Variants in DNTTIP2 observed in about 807,000 individuals in gnomAD.
DNTTIP2 encodes the protein deoxynucleotidyltransferase terminal-interacting protein 2.
In DNTTIP2, 47 loss-of-function variants were observed where a neutral mutation model predicts 62.4. The observed-to-expected ratio is 0.75, with a 90% CI of 0.60 to 0.96. The LOEUF is 0.96. Among genes scored for constraint, DNTTIP2 ranks in the 40% least tolerant of loss-of-function variants. DNTTIP2 has a pLI of 0.00. For missense variants in DNTTIP2, 870 were observed against 849.1 expected, an observed-to-expected ratio of 1.02 and a Z score of -0.31; for synonymous variants, 322 against 300.9, an observed-to-expected ratio of 1.07 and a Z score of -0.73.
chr1:93,878,969 T>A, intron 1 of DNTTIP2, 108 bp downstream of exon 1: 1 of 1,412,598 alleles, frequency 7.1e-7, no homozygotes, highest in Non-Finnish European at 9.5e-7. Context: ...CAAGCTCGGG[T>A]CCTCTCTGTC....
intron 5 of DNTTIP2, 117 bp downstream of exon 5, chr1:93,871,955 A>G: frequency 8.8e-7 from 1 of 1,137,120 alleles, no homozygotes. Context: ...TATGTTCCAT[A>G]CATTAGGCAT....
intron 4 of DNTTIP2, 81 bp from the exon 5 acceptor site, chr1:93,872,317 C>A: frequency 7.2e-7 from 1 of 1,385,560 alleles, no homozygotes; most frequent in South Asian, 1.4e-5. Context: ...GTAACACATA[C>A]AGAAAATTTT....
chr1:93,877,903 G>A (rs1656056316), intron 1 of DNTTIP2, 41 bp from the exon 2 acceptor site: 2 of 1,567,134 alleles, frequency 1.3e-6, no homozygotes, highest in African/African-American at 2.7e-5. Context: ...AGGTAGGGCT[G>A]GAACAAGGGC....
rs1195587699 is a variant in DNTTIP2, at chr1:93,875,749, G to C, written c.1702C>G (p.Leu568Val). ...AAACCACCCAACTGCTTGATACTCAGACCAGGGTCTATGCTGCTGCTTGTC... is the reference window on the plus strand; with the variant it reads ...AAACCACCCAACTGCTTGATACTCACACCAGGGTCTATGCTGCTGCTTGTC... ...KLTSSSIDPG[L>V]SIKQLGGLYI... The change falls in exon 3 of 7, where the codon CTG becomes GTG. Residue 568 changes from leucine to valine, a missense_variant. Leu to Val is a conservative substitution (Grantham distance 32). Coordinates refer to ENST00000436063, the MANE Select transcript of DNTTIP2 (RefSeq NM_014597.5). 6.2e-7 allele frequency: 1 copy of C among 1,612,880 alleles called. No homozygotes were observed. The highest frequency in any genetic ancestry group is 8.5e-7 in the Non-Finnish European group (1 of 1,179,670).
intron 4 of DNTTIP2, among the ~76,000 whole-genome samples, chr1:93,872,509 G>A (rs1007244769): frequency 3.9e-5 from 6 of 152,128 alleles, no homozygotes; most frequent in Non-Finnish European, 7.4e-5. Flanking sequence ...GACTTGCTGG[G>A]AGAATAACAC....
In DNTTIP2 at chr1:93,873,223, A is replaced by G; in HGVS notation, c.1807-9T>C. The G allele has an allele frequency of 6.3e-7, 1 of 1,592,848 alleles. No individual in the cohort carries two copies. Among genetic ancestry groups the G allele is most frequent in the Non-Finnish European group, 8.6e-7 (1 of 1,163,258 alleles). ...ACGGCTTTCTGCAGAAGCTATAAAA[A>G]CATAAAATTGGTTTTAAAATAATGT... On this transcript the variant is annotated splice_polypyrimidine_tract_variant and intron_variant, in intron 3 of 6. Transcript: ENST00000436063.
At chr1:93,873,833 T>C (rs1054451901) in intron 3 of DNTTIP2, among the ~76,000 whole-genome samples, 7 of 152,206 alleles carry the variant, frequency 4.6e-5, no homozygotes, top group African/African-American at 7.2e-5. Context: ...TTCTGTACTT[T>C]TGTTACTTGA....
chr1:93,876,424 TAAA>T lies in DNTTIP2; in HGVS notation c.1508_1510del (p.Phe503del). 1 of 1,612,906 alleles carries T rather than the reference TAAA, an allele frequency of 6.2e-7. No homozygotes were observed. Among genetic ancestry groups the T allele is most frequent in the East Asian group, 2.2e-5 (1 of 44,846 alleles). On this transcript the variant is annotated inframe_deletion, in exon 2 of 7. Coordinates refer to ENST00000436063, the MANE Select transcript of DNTTIP2 (RefSeq NM_014597.5). Reference sequence around the variant, plus strand: ...ACTTGCCTTGTCTTCCTCTTCCAAGTAAAAATTTTTATCAGCACTCATTCCAGG... The same window carrying T: ...ACTTGCCTTGTCTTCCTCTTCCAAGTAATTTTTATCAGCACTCATTCCAGG...
chr1:93,876,428 A>T lies in DNTTIP2; in HGVS notation c.1507T>A (p.Phe503Ile). 1 of 1,613,086 alleles carries T rather than the reference A, an allele frequency of 6.2e-7. No homozygotes were observed. The highest frequency in any genetic ancestry group is 8.5e-7 in the Non-Finnish European group (1 of 1,179,488). The change falls in exon 2 of 7, where the codon TTT becomes ATT. Residue 503 changes from phenylalanine to isoleucine, a missense_variant. By Grantham distance (21) the Phe-to-Ile change is conservative (BLOSUM62 0). Coordinates refer to ENST00000436063, the MANE Select transcript of DNTTIP2 (RefSeq NM_014597.5). ...TTPGMSADKN[F>I]YLEEEDKASE... ...GCCTTGTCTTCCTCTTCCAAGTAAA[A>T]ATTTTTATCAGCACTCATTCCAGGA... is the stretch of plus-strand genomic sequence containing the variant.
rs370751620 is a variant in DNTTIP2, at chr1:93,876,780, T to C, written c.1155A>G (p.Ala385=). Residue 385 remains alanine (A), a synonymous_variant, in exon 2 of 7, where the codon GCA becomes GCG. Coordinates refer to ENST00000436063, the MANE Select transcript of DNTTIP2 (RefSeq NM_014597.5). ...AATCACCAAACTTTGTCAAGTCACT[T>C]GCTTTTATGGGGCTCTTTTTGTTGT... is the stretch of plus-strand genomic sequence containing the variant. ...WNNNKKSPIK[A]SDLTKFGDCG... The C allele has an allele frequency of 1.2e-5, 20 of 1,613,872 alleles. No homozygotes were observed. Among genetic ancestry groups the C allele is most frequent in the Non-Finnish European group, 1.5e-5 (18 of 1,179,884 alleles).
chr1:93,877,957 C>T, intron 1 of DNTTIP2, 95 bp from the exon 2 acceptor site: 1 of 1,435,938 alleles, frequency 7.0e-7, no homozygotes. Context: ...ACCCAGTAAA[C>T]AAGATTACCT....
chr1:93,877,896 T>G, intron 1 of DNTTIP2, 34 bp from the exon 2 acceptor site: 1 of 1,580,674 alleles, frequency 6.3e-7, no homozygotes, highest in Admixed American at 1.8e-5. Context: ...GTAATTTAGG[T>G]AGGGCTGGAA....
chr1:93,866,374 AATAAAG>A lies in DNTTIP2; in HGVS notation c.*3471_*3476del, dbSNP rs759819479. ...GTTGCAACCCTTACTGAAAACTTTC[AATAAAG>A]ATATTCATCTAATTAAATAGTAAGT... On this transcript the variant is annotated 3_prime_UTR_variant, in exon 7 of 7. Transcript: ENST00000436063. 2.0e-5 allele frequency: 3 copies of A among 152,358 alleles called. No homozygotes were observed. The highest frequency in any genetic ancestry group is 2.9e-5 in the Non-Finnish European group (2 of 68,032). 9.4% of individuals were successfully genotyped at this position (152,358 alleles called of 1,614,324 possible).
Position 93,870,806 on chromosome 1 carries a change from A to T in DNTTIP2, c.2068-14T>A. On this transcript the variant is annotated splice_polypyrimidine_tract_variant and intron_variant, in intron 5 of 6. Transcript: ENST00000436063. ...AATGGTTCCAATCTGTGAACAATTG[A>T]TTGAAATAAGTCATGCATTGAGTGC... 1 of 1,451,132 alleles carries T rather than the reference A, an allele frequency of 6.9e-7. No individual in the cohort carries two copies. The highest frequency in any genetic ancestry group is 9.4e-7 in the Non-Finnish European group (1 of 1,068,156). 89.9% of individuals were successfully genotyped at this position (1,451,132 alleles called of 1,614,324 possible).
intron 3 of DNTTIP2, among the ~76,000 whole-genome samples, chr1:93,874,078 C>A (rs540680035): frequency 2.0e-5 from 3 of 152,276 alleles, no homozygotes; most frequent in African/African-American, 7.2e-5. Context: ...TATAGGTAGC[C>A]GTCTAGGCTT....
At chr1:93,875,264 T>C (rs542579300) in intron 3 of DNTTIP2, among the ~76,000 whole-genome samples, 139 of 152,308 alleles carry the variant, frequency 9.1e-4, no homozygotes, top group African/African-American at 3.2e-3. Flanking sequence ...ATGTAAAATG[T>C]CTATATGCAC....
At position 93,869,938 on chromosome 1, in the gene DNTTIP2, G is replaced by C; in HGVS notation, c.2184C>G (p.Asn728Lys). Residue 728 changes from asparagine (N) to lysine (K), a missense_variant, in exon 7 of 7, where the codon AAC (asparagine) becomes AAG (lysine). By Grantham distance (94) the Asn-to-Lys change is moderately conservative (BLOSUM62 0). Transcript: ENST00000436063. ...CCATGATCTCTGAGTACTTCCTTCG[G>C]TTGTATCTGAAAAAGAAAAATCAGA... is the stretch of plus-strand genomic sequence containing the variant. ...LLADSEFRRY[N>K]RRKYSEIMAE... The C allele has an allele frequency of 1.3e-6, 1 of 777,620 alleles. No homozygotes were observed. Among genetic ancestry groups the C allele is most frequent in the South Asian group, 1.3e-5 (1 of 74,092 alleles). 48.2% of individuals were successfully genotyped at this position (777,620 alleles called of 1,614,324 possible). A position where few individuals can be genotyped will look rare whatever the true frequency, so the allele number is the denominator to read the frequency against.
At chr1:93,870,133 A>G (rs947871064) in intron 6 of DNTTIP2, among the ~76,000 whole-genome samples, 189 bp from the exon 7 acceptor site, 2 of 152,134 alleles carry the variant, frequency 1.3e-5, no homozygotes, top group African/African-American at 2.4e-5. Context: ...TATATGCACT[A>G]TATCCATCTA....
rs1655736508 is a variant in DNTTIP2, at chr1:93,866,965, G to C, written c.*2886C>G. 1 of 151,798 alleles carries C rather than the reference G, an allele frequency of 6.6e-6. No individual in the cohort carries two copies. Among genetic ancestry groups the C allele is most frequent in the Admixed American group, 6.6e-5 (1 of 15,230 alleles). 9.4% of individuals were successfully genotyped at this position (151,798 alleles called of 1,614,324 possible). A position where few individuals can be genotyped will look rare whatever the true frequency, so the allele number is the denominator to read the frequency against. ...TCAAGACCAGCCTGGCCAACATGGT[G>C]AAACCCCGTCTCTACTAAAAATACA... On this transcript the variant is annotated 3_prime_UTR_variant, in exon 7 of 7. Coordinates refer to ENST00000436063, the MANE Select transcript of DNTTIP2 (RefSeq NM_014597.5).
Sources: gnomAD v4.1 joint callset for allele counts (sites outside exome capture counted in the v4.1 genomes callset) on GRCh38, gnomAD v4.1.1 for gene constraint, MANE v1.5 for transcripts, NCBI Gene and HGNC (gene_info 2026-07-23, HGNC 2026-07-21) for gene names.